TMTC3: variants seen among roughly 807,000 people sequenced by gnomAD.
TMTC3 encodes protein O-mannosyl-transferase TMTC3.
Under a neutral mutation model 92.2 loss-of-function variants are expected in TMTC3, and 52 were observed. The ratio of observed to expected loss-of-function variants is 0.56; its 90% CI spans 0.45 to 0.71. The LOEUF (loss-of-function observed/expected upper bound fraction) is 0.71. Ranked by LOEUF, TMTC3 falls within the 30% of genes least tolerant of loss-of-function variation. The pLI, the probability that TMTC3 is intolerant of heterozygous loss-of-function variation, is 0.00. For synonymous variants in TMTC3, 339 were observed against 363.3 expected (o/e 0.93, Z 0.76); for missense variants, 896 against 1,057.1 (o/e 0.85, Z 2.11).
At position 88,172,713 on chromosome 12, in the gene TMTC3, A is replaced by G. The variant is rs759089083; in HGVS notation, c.1167A>G (p.Val389=). The G allele has an allele frequency of 2.5e-6, 4 of 1,601,948 alleles. No homozygotes were observed. The South Asian group carries it at 3.4e-5, about 14-fold the overall frequency. Residue 389 remains valine, a synonymous_variant, in exon 8 of 14, where the codon GTA becomes GTG. Transcript: ENST00000266712. ...YVPSMGFCIL[V]AHGWQKISTK... ...CCAGCATGGGGTTCTGTATTTTGGT[A>G]GCCCATGGATGGCAGAAAATATCAA... is the stretch of plus-strand genomic sequence containing the variant.
At chr12:88,179,729 G>A (rs1192625488) in intron 10 of TMTC3, among the ~76,000 whole-genome samples, 1 of 151,910 alleles carries the variant, frequency 6.6e-6, no homozygotes, top group African/African-American at 2.4e-5. Context: ...CCGTAAGCAG[G>A]CCCCGGTCGC....
chr12:88,151,798 C>T (rs1166549132), intron 2 of TMTC3, among the ~76,000 whole-genome samples: 1 of 152,114 alleles, frequency 6.6e-6, no homozygotes, highest in Non-Finnish European at 1.5e-5. Context: ...CTTTCTAGTA[C>T]AAATCATGTC....
Position 88,176,241 on chromosome 12 carries a change from G to T in TMTC3, c.1354G>T (p.Val452Leu), listed in dbSNP as rs1419232765. ...AAATAATGCCAAACTTTGGAATAAT[G>T]TGGGTCATGCTCTGGAAAATGAAAA... ...NKNNAKLWNN[V>L]GHALENEKNF... Residue 452 changes from valine (V) to leucine (L), a missense_variant, in exon 10 of 14, where the codon GTG becomes TTG. Physicochemically the swap from Val to Leu is conservative, Grantham distance 32 (BLOSUM62 1). Transcript: ENST00000266712. 1.9e-6 allele frequency: 3 copies of T among 1,611,348 alleles called. No homozygotes were observed. Among genetic ancestry groups the T allele is most frequent in the Non-Finnish European group, 2.5e-6 (3 of 1,178,610 alleles).
intron 6 of TMTC3, among the ~76,000 whole-genome samples, chr12:88,163,659 T>C (rs1036205178): frequency 1.7e-5 from 2 of 116,250 alleles, no homozygotes; most frequent in Non-Finnish European, 4.0e-5. Context: ...CACTTCAATC[T>C]ACTTTGTCTT....
intron 10 of TMTC3, 96 bp downstream of exon 10, chr12:88,176,415 T>TCAAGTCA: frequency 1.2e-6 from 1 of 842,806 alleles, no homozygotes; most frequent in Non-Finnish European, 1.8e-6. Context: ...CTAGCTTTAT[T>TCAAGTCA]CTGAGTGACT....
At chr12:88,144,861 G>A (rs1422171707) in intron 1 of TMTC3, among the ~76,000 whole-genome samples, 1 of 152,074 alleles carries the variant, frequency 6.6e-6, no homozygotes, top group Non-Finnish European at 1.5e-5. Context: ...GTATATTTTT[G>A]AGGAAAATTG....
At chr12:88,169,666 C>G (rs1010401875) in intron 7 of TMTC3, among the ~76,000 whole-genome samples, 6 of 152,066 alleles carry the variant, frequency 3.9e-5, no homozygotes, top group African/African-American at 4.8e-5. Context: ...TAACTGGGTT[C>G]AATCGCTCAT....
chr12:88,149,294 C>G (rs941870668), intron 2 of TMTC3, among the ~76,000 whole-genome samples: 1 of 151,760 alleles, frequency 6.6e-6, no homozygotes, highest in African/African-American at 2.4e-5. Context: ...GGGATTAAAC[C>G]CTTATCAGCT....
chr12:88,194,829 A>C lies in TMTC3; in HGVS notation c.1934-9A>C. ...AACAATATATTTTTTCTTTAAAAAA[A>C]CTTTCTAGGTGAGGTTAAACTCAGA... On this transcript the variant is annotated splice_polypyrimidine_tract_variant and intron_variant, in intron 13 of 13. Transcript: ENST00000266712. The C allele has an allele frequency of 6.7e-7, 1 of 1,493,168 alleles. No individual in the cohort carries two copies. Among genetic ancestry groups the C allele is most frequent in the East Asian group, 2.3e-5 (1 of 43,008 alleles). The allele number at this position is 1,493,168 out of a possible 1,614,324, so 92.5% of individuals were successfully genotyped here.
chr12:88,157,845 T>C (rs1592727454), intron 4 of TMTC3, among the ~76,000 whole-genome samples: 2 of 152,132 alleles, frequency 1.3e-5, no homozygotes, highest in Non-Finnish European at 2.9e-5. Flanking sequence ...GTTTATATAG[T>C]AATATAGTCA....
intron 12 of TMTC3, 32 bp from the exon 13 acceptor site, chr12:88,192,572 G>A (rs372700580): frequency 1.3e-6 from 2 of 1,524,768 alleles, no homozygotes; most frequent in Non-Finnish European, 1.8e-6. Flanking sequence ...TGGTAATGTT[G>A]TAAGTAAAGC....
rs117706397 is a variant in TMTC3 at position 88,169,357 on chromosome 12, G to A, written c.1050+2775G>A. On this transcript the variant is annotated intron_variant, in intron 7 of 13. Coordinates refer to ENST00000266712, the MANE Select transcript of TMTC3 (RefSeq NM_181783.4). Reference sequence around the variant, plus strand: ...TAAAAGAAAGGTTAAAAAAAAAGGAGAGGTAGGGGAATTAAGGTTTCAGCA... The same window carrying A: ...TAAAAGAAAGGTTAAAAAAAAAGGAAAGGTAGGGGAATTAAGGTTTCAGCA... Among the ~76,000 whole-genome samples the A allele has an allele frequency of 1.0e-3, 159 of 152,252 alleles. 4 individuals are homozygous for A. In the East Asian group the frequency reaches 0.024, roughly 23 times the overall value.
intron 2 of TMTC3, among the ~76,000 whole-genome samples, chr12:88,151,013 C>T (rs996044230): frequency 6.6e-5 from 10 of 152,142 alleles, no homozygotes; most frequent in East Asian, 1.9e-4. Context: ...CCCTGACTGC[C>T]GTATTAGAAT....
rs1427911261 is a variant in TMTC3 at position 88,148,350 on chromosome 12, T to C, written c.35T>C (p.Ile12Thr). The C allele has an allele frequency of 1.2e-6, 2 of 1,613,442 alleles. No homozygotes were observed. Among genetic ancestry groups the C allele is most frequent in the South Asian group, 1.1e-5 (1 of 90,996 alleles). ...ANINLKEITLIVGVVTACYWN... is the reference protein window; with the variant it reads ...ANINLKEITLTVGVVTACYWN... ...ATTAACCTAAAAGAAATAACCTTAA[T>C]AGTAGGTGTGGTTACTGCCTGCTAT... The change falls in exon 2 of 14, where the codon ATA (isoleucine) becomes ACA (threonine). Residue 12 changes from isoleucine (I) to threonine (T), a missense_variant. Physicochemically the swap from Ile to Thr is moderately conservative, Grantham distance 89. Coordinates refer to ENST00000266712, the MANE Select transcript of TMTC3 (RefSeq NM_181783.4).
intron 10 of TMTC3, among the ~76,000 whole-genome samples, chr12:88,187,827 G>A (rs753303330): frequency 7.9e-5 from 12 of 152,174 alleles, no homozygotes; most frequent in Non-Finnish European, 1.5e-4. Flanking sequence ...ACCTTTTCAT[G>A]TATTTTAGTT....
Position 88,190,543 on chromosome 12 carries a change from T to C in TMTC3, c.1627T>C (p.Ser543Pro). ...GGCTAACCTGATCCGAGCAAATGAGTCCCGACTGGAAGAAGCAGATCAGCT... is the reference window on the plus strand; with the variant it reads ...GGCTAACCTGATCCGAGCAAATGAGCCCCGACTGGAAGAAGCAGATCAGCT... The part of the protein sequence containing the change: ...NLANLIRANE[S>P]RLEEADQLYR... Residue 543 changes from serine to proline, a missense_variant, in exon 12 of 14, where the codon TCC becomes CCC. Ser to Pro is a moderately conservative substitution (Grantham distance 74). Transcript: ENST00000266712. The C allele has an allele frequency of 6.2e-7, 1 of 1,613,736 alleles. No individual in the cohort carries two copies. The highest frequency in any genetic ancestry group is 8.5e-7 in the Non-Finnish European group (1 of 1,179,902).
intron 12 of TMTC3, among the ~76,000 whole-genome samples, chr12:88,192,051 G>A (rs11104754): frequency 0.12 from 16,888 of 136,474 alleles, 1,945 homozygotes; most frequent in African/African-American, 0.34. Context: ...AAGAATGGTC[G>A]TATTATAAGA....
intron 4 of TMTC3, 104 bp downstream of exon 4, chr12:88,154,491 G>C: frequency 1.6e-6 from 1 of 614,166 alleles, no homozygotes; most frequent in Non-Finnish European, 2.6e-6. Context: ...ACCACATTTG[G>C]GATTTATCTT....
intron 10 of TMTC3, among the ~76,000 whole-genome samples, chr12:88,178,284 T>C (rs1565954030): frequency 6.6e-6 from 1 of 152,190 alleles, no homozygotes; most frequent in Non-Finnish European, 1.5e-5. Context: ...TTATCTCTCT[T>C]AGCCCTTCAT....
Sources: gnomAD v4.1 joint callset for allele counts (sites outside exome capture counted in the v4.1 genomes callset) on GRCh38, gnomAD v4.1.1 for gene constraint, MANE v1.5 for transcripts, NCBI Gene and HGNC (gene_info 2026-07-23, HGNC 2026-07-21) for gene names.